The following ROBO1 variants were observed in gnomAD, a reference collection of about 807,000 sequenced individuals.
The protein encoded by ROBO1 is roundabout guidance receptor 1.
A neutral mutation model predicts 195.9 loss-of-function variants in ROBO1; 149 were observed. The observed-to-expected ratio is 0.76, with a 90% CI of 0.67 to 0.87. The LOEUF is 0.87. ROBO1 is among the 40% of genes least tolerant of loss of function. The probability of loss-of-function intolerance (pLI) is 0.00; values close to 1 mark genes in which losing one functional copy is unlikely to be tolerated. For synonymous variants in ROBO1, 816 were observed against 733.2 expected (o/e 1.11, Z -1.82); for missense variants, 1,933 against 2,068.3 (o/e 0.93, Z 1.27).
chr3:79,107,127 T>TCACACACA (rs369021063), intron 3 of ROBO1, among the ~76,000 whole-genome samples: 38 of 136,458 alleles, frequency 2.8e-4, no homozygotes, highest in African/African-American at 9.3e-4. Context: ...TCTCTCTCTC[T>TCACACACA]CACACACACA....
intron 5 of ROBO1, among the ~76,000 whole-genome samples, chr3:78,739,342 C>T (rs906099357): frequency 6.6e-6 from 1 of 152,004 alleles, no homozygotes; most frequent in Non-Finnish European, 1.5e-5. Context: ...TTTTACTTAA[C>T]TCAATTTTTC....
chr3:78,879,625 C>T (rs2036064696), intron 4 of ROBO1, among the ~76,000 whole-genome samples: 2 of 151,888 alleles, frequency 1.3e-5, no homozygotes, highest in African/African-American at 2.4e-5. Flanking sequence ...AAGCACATGC[C>T]CCTTTGACCA....
At chr3:79,484,974 G>T (rs550381184) in intron 2 of ROBO1, among the ~76,000 whole-genome samples, 1 of 151,590 alleles carries the variant, frequency 6.6e-6, no homozygotes, top group African/African-American at 2.4e-5. Context: ...GGATGATCTC[G>T]ATCTCTTGAC....
chr3:78,777,931 T>C (rs1347032260), intron 4 of ROBO1, among the ~76,000 whole-genome samples: 1 of 152,236 alleles, frequency 6.6e-6, no homozygotes, highest in Non-Finnish European at 1.5e-5. Context: ...AAGGTAATGC[T>C]TCCAGCTTTT....
chr3:79,575,717 C>A (rs1943463834), intron 2 of ROBO1, among the ~76,000 whole-genome samples: 1 of 151,022 alleles, frequency 6.6e-6, no homozygotes, highest in South Asian at 2.1e-4. Flanking sequence ...TGTTTCATGG[C>A]ATTCTTCCAA....
At chr3:79,129,204 T>A (rs1238282692) in intron 2 of ROBO1, among the ~76,000 whole-genome samples, 1 of 152,188 alleles carries the variant, frequency 6.6e-6, no homozygotes, top group Non-Finnish European at 1.5e-5. Flanking sequence ...CTATGTTACA[T>A]ATTTTACATA....
At chr3:79,361,496 C>T (rs984322831) in intron 2 of ROBO1, among the ~76,000 whole-genome samples, 1 of 151,952 alleles carries the variant, frequency 6.6e-6, no homozygotes, top group African/African-American at 2.4e-5. Flanking sequence ...GATTTAATAC[C>T]AGCAAAATAA....
At chr3:79,162,557 A>G (rs1213241168) in intron 2 of ROBO1, among the ~76,000 whole-genome samples, 8 of 152,118 alleles carry the variant, frequency 5.3e-5, no homozygotes. Context: ...ATCATCTATC[A>G]ATCCAAAATC....
At chr3:79,104,216 A>C (rs1191305737) in intron 3 of ROBO1, among the ~76,000 whole-genome samples, 2 of 151,822 alleles carry the variant, frequency 1.3e-5, no homozygotes, top group Non-Finnish European at 2.9e-5. Context: ...TCAAGGAGTC[A>C]TGAACGCTTT....
At chr3:79,323,087 T>TTC (rs1364142996) in intron 2 of ROBO1, among the ~76,000 whole-genome samples, 43 of 147,830 alleles carry the variant, frequency 2.9e-4, no homozygotes, top group African/African-American at 9.8e-4. Flanking sequence ...CTTTCTTTCT[T>TTC]TTTTTTTTTT....
At chr3:79,234,922 C>T (rs902358183) in intron 2 of ROBO1, among the ~76,000 whole-genome samples, 4 of 152,090 alleles carry the variant, frequency 2.6e-5, no homozygotes, top group African/African-American at 9.7e-5. Context: ...ACCTCAGAAT[C>T]ATGCAATATA....
At chr3:79,713,450 G>C (rs1041555363) in intron 1 of ROBO1, among the ~76,000 whole-genome samples, 1 of 152,094 alleles carries the variant, frequency 6.6e-6, no homozygotes. Flanking sequence ...ATGAACAAAG[G>C]TTTGGAAGGA....
intron 1 of ROBO1, among the ~76,000 whole-genome samples, chr3:79,608,711 A>G (rs527834428): frequency 6.7e-4 from 102 of 152,028 alleles, no homozygotes; most frequent in Non-Finnish European, 1.3e-3. Flanking sequence ...CTAAATAATT[A>G]AATTGAACAA....
rs992449887 is a variant in ROBO1 at position 79,514,305 on chromosome 3, C to T, written c.88+75519G>A. Among the ~76,000 whole-genome samples the T allele has an allele frequency of 4.6e-5, 7 of 152,004 alleles. No individual in the cohort carries two copies. The East Asian group carries it at 5.8e-4, about 13-fold the overall frequency. ...TTCTCTTAGAGATCCACGTGGTGTG[C>T]GGGGGTGGAGGAGTCAAATGAATTT... On this transcript the variant is annotated intron_variant, in intron 2 of 30. Transcript: ENST00000464233.
At chr3:79,537,603 G>A (rs1941921255) in intron 2 of ROBO1, among the ~76,000 whole-genome samples, 2 of 152,122 alleles carry the variant, frequency 1.3e-5, no homozygotes, top group South Asian at 4.2e-4. Context: ...CATCAAGCTC[G>A]TCCAATCCAC....
At chr3:78,719,485 A>G (rs1279578025) in intron 5 of ROBO1, among the ~76,000 whole-genome samples, 1 of 137,324 alleles carries the variant, frequency 7.3e-6, no homozygotes. Flanking sequence ...ACACACATGC[A>G]TATATATACA....
chr3:79,240,570 T>C (rs990961243), intron 2 of ROBO1, among the ~76,000 whole-genome samples: 1 of 152,198 alleles, frequency 6.6e-6, no homozygotes, highest in African/African-American at 2.4e-5. Context: ...AGTGTATTCA[T>C]ACAGGCCAAA....
chr3:79,405,317 T>G (rs991184255), intron 2 of ROBO1, among the ~76,000 whole-genome samples: 1 of 152,192 alleles, frequency 6.6e-6, no homozygotes. Flanking sequence ...GGTGCTCAGA[T>G]GATTGCAAAA....
chr3:79,388,791 A>T (rs2106686645), intron 2 of ROBO1, among the ~76,000 whole-genome samples: 1 of 152,258 alleles, frequency 6.6e-6, no homozygotes, highest in Non-Finnish European at 1.5e-5. Flanking sequence ...ATCTAGACTA[A>T]TCCAAACATA....
Sources: allele counts gnomAD v4.1 joint callset (sites outside exome capture counted in the v4.1 genomes callset), GRCh38; gene constraint gnomAD v4.1.1; transcripts MANE v1.5; gene names NCBI Gene and HGNC (gene_info 2026-07-23, HGNC 2026-07-21).